CELF2: variants seen among roughly 807,000 people sequenced by gnomAD.
The protein encoded by CELF2 is CUGBP Elav-like family member 2.
CELF2 carries 8 observed loss-of-function variants against 62.6 expected under a neutral mutation model. The ratio of observed to expected loss-of-function variants is 0.13; its 90% CI spans 0.07 to 0.23. The LOEUF is 0.23. Ranked by LOEUF, CELF2 falls within the 10% of genes least tolerant of loss-of-function variation. The pLI is 1.00. For missense variants in CELF2, 333 were observed against 671.0 expected, an observed-to-expected ratio of 0.50 and a Z score of 5.56; for synonymous variants, 258 against 250.0, an observed-to-expected ratio of 1.03 and a Z score of -0.30.
the CELF2 span, among the ~76,000 whole-genome samples, chr10:10,695,678 C>T: frequency 6.6e-6 from 1 of 152,140 alleles, no homozygotes; most frequent in Non-Finnish European, 1.5e-5. Flanking sequence ...TCACATAGTC[C>T]CATATTTCTT....
At chr10:11,262,327 C>T (rs1479208100) in intron 5 of CELF2, among the ~76,000 whole-genome samples, 1 of 152,120 alleles carries the variant, frequency 6.6e-6, no homozygotes, top group African/African-American at 2.4e-5. Flanking sequence ...CCACTTGAGC[C>T]TGGGAGTTCA....
At chr10:11,236,947 A>G (rs1277324058) in intron 3 of CELF2, among the ~76,000 whole-genome samples, 1 of 152,246 alleles carries the variant, frequency 6.6e-6, no homozygotes, top group East Asian at 1.9e-4. Context: ...GCTGAGGGTC[A>G]AAGCATGGAA....
intron 1 of CELF2, among the ~76,000 whole-genome samples, chr10:11,142,499 A>C (rs1045971654): frequency 1.3e-5 from 2 of 152,034 alleles, no homozygotes; most frequent in African/African-American, 2.4e-5. Context: ...CCTGGCTAAC[A>C]CAGTGAAACC....
chr10:10,494,971 C>G, the CELF2 span, among the ~76,000 whole-genome samples: 31 of 152,216 alleles, frequency 2.0e-4, no homozygotes, highest in African/African-American at 7.2e-4. Flanking sequence ...TCCACTGTGT[C>G]CCATCAAAAA....
At chr10:11,254,525 T>A (rs2078106397) in intron 4 of CELF2, among the ~76,000 whole-genome samples, 1 of 152,262 alleles carries the variant, frequency 6.6e-6, no homozygotes, top group Non-Finnish European at 1.5e-5. Flanking sequence ...CAGCATTTCT[T>A]CATGAGTAGT....
the CELF2 span, among the ~76,000 whole-genome samples, chr10:10,623,343 G>T: frequency 6.6e-6 from 1 of 152,178 alleles, no homozygotes; most frequent in Non-Finnish European, 1.5e-5. Context: ...TAAAAGGGCA[G>T]TTGGCAAGTT....
intron 2 of CELF2, chr10:10,927,355 A>AAAAAAAC (rs2065612042): frequency 6.6e-6 from 1 of 150,408 alleles, no homozygotes; most frequent in East Asian, 1.9e-4. Flanking sequence ...TTAAAAAAAA[A>AAAAAAAC]AAAAAAAAAA....
the CELF2 span, among the ~76,000 whole-genome samples, chr10:10,618,271 G>A: frequency 6.6e-6 from 1 of 151,996 alleles, no homozygotes; most frequent in Non-Finnish European, 1.5e-5. Context: ...CCCATTTCAA[G>A]GTGCACAGGG....
rs934092577 is a variant in CELF2 at position 11,159,649 on chromosome 10, C to T, written c.75-5837C>T. Among the ~76,000 whole-genome samples the T allele has an allele frequency of 6.6e-6, 1 of 152,072 alleles. No individual in the cohort carries two copies. On this transcript the variant is annotated intron_variant, in intron 1 of 12. Coordinates refer to ENST00000633077, the MANE Select transcript of CELF2 (RefSeq NM_001326342.2). This position sits in a 1 kb window ranked among gnomAD's most constrained non-coding sequence, Gnocchi z 5.0. ...TTCTCTTCTTAAATAATGGCAACAC[C>T]AAAATGAACAATGTAGAGATTGTTA...
the CELF2 span, among the ~76,000 whole-genome samples, chr10:10,462,663 A>C: frequency 8.5e-6 from 1 of 117,962 alleles, no homozygotes; most frequent in African/African-American, 3.3e-5. Context: ...TAAAGAGCTG[A>C]AGGCTTTGTC....
intron 1 of CELF2, among the ~76,000 whole-genome samples, chr10:11,142,683 C>CCAA (rs1248354385): frequency 1.6e-5 from 1 of 63,744 alleles, no homozygotes; most frequent in East Asian, 5.5e-4. Context: ...GACGCTGTCT[C>CCAA]AAAAAAAAAA....
the CELF2 span, among the ~76,000 whole-genome samples, chr10:10,769,551 TC>T: frequency 6.6e-6 from 1 of 152,050 alleles, no homozygotes; most frequent in African/African-American, 2.4e-5. Flanking sequence ...TCACCTGAGG[TC>T]AGGAGTTCAA....
At chr10:10,960,358 T>C (rs1014708210) in intron 2 of CELF2, 3 of 152,262 alleles carry the variant, frequency 2.0e-5, no homozygotes, top group Non-Finnish European at 4.4e-5. Flanking sequence ...AACTCCCAAC[T>C]GACTGGTATT....
intron 1 of CELF2, among the ~76,000 whole-genome samples, chr10:11,142,040 C>A (rs2061431016): frequency 6.6e-6 from 1 of 152,218 alleles, no homozygotes; most frequent in Non-Finnish European, 1.5e-5. Context: ...CCCACGACAT[C>A]ATACTTTCCC....
At chr10:10,994,606 G>A (rs1244051866) in intron 2 of CELF2, among the ~76,000 whole-genome samples, 2 of 152,138 alleles carry the variant, frequency 1.3e-5, no homozygotes. Flanking sequence ...ATTCTTAAAC[G>A]AGCACAAACC....
upstream of CELF2, among the ~76,000 whole-genome samples, chr10:10,798,213 C>G (rs2054277632): frequency 6.6e-6 from 1 of 152,280 alleles, no homozygotes; most frequent in Non-Finnish European, 1.5e-5. Context: ...GTTACAGCCT[C>G]TGAGGGTAGC....
the CELF2 span, among the ~76,000 whole-genome samples, chr10:10,658,111 C>T: frequency 1.3e-5 from 2 of 152,154 alleles, no homozygotes; most frequent in African/African-American, 4.8e-5. Flanking sequence ...CACTATTCCC[C>T]TGTTGAGAAT....
chr10:10,705,354 C>A, the CELF2 span, among the ~76,000 whole-genome samples: 1 of 139,832 alleles, frequency 7.2e-6, no homozygotes, highest in Non-Finnish European at 1.5e-5. Context: ...AGAAGTCAGC[C>A]TCCTTCCCTA....
the CELF2 span, among the ~76,000 whole-genome samples, chr10:10,777,978 G>A: frequency 6.6e-6 from 1 of 152,106 alleles, no homozygotes; most frequent in Non-Finnish European, 1.5e-5. Context: ...TCTCATTCTA[G>A]AGTTACTTCC....
Sources: allele counts gnomAD v4.1 joint callset (sites outside exome capture counted in the v4.1 genomes callset), GRCh38; gene constraint gnomAD v4.1.1; non-coding constraint Gnocchi (gnomAD v3.1); transcripts MANE v1.5; gene names NCBI Gene and HGNC (gene_info 2026-07-23, HGNC 2026-07-21).